KIF1C: variants seen among roughly 807,000 people sequenced by gnomAD.
KIF1C encodes kinesin-like protein KIF1C.
Under a neutral mutation model 126.5 loss-of-function variants are expected in KIF1C, and 61 were observed. The observed-to-expected ratio is 0.48, with a 90% CI of 0.39 to 0.60. KIF1C has a LOEUF of 0.60. KIF1C is among the 20% of genes least tolerant of loss of function. The pLI is 0.00. For synonymous variants in KIF1C, 640 were observed against 580.6 expected, an observed-to-expected ratio of 1.10 and a Z score of -1.47; for missense variants, 1,315 against 1,489.2, an observed-to-expected ratio of 0.88 and a Z score of 1.93.
chr17:5,002,851 G>GCCCCCCCCCCCCCCC lies in KIF1C; in HGVS notation c.720+20_720+21insCCCCCCCCCCCCCCC. The GCCCCCCCCCCCCCCC allele has an allele frequency of 1.4e-6, 2 of 1,421,842 alleles. No individual in the cohort carries two copies. The highest frequency in any genetic ancestry group is 2.4e-5 in the East Asian group (1 of 40,888). 88.1% of individuals were successfully genotyped at this position (1,421,842 alleles called of 1,614,324 possible). A position where few individuals can be genotyped will look rare whatever the true frequency, so the allele number is the denominator to read the frequency against. ...GGCTGGACTCGGAGAAGGTGGGATC[G>GCCCCCCCCCCCCCCC]CCCCCCCCCCCACTCCCCCACCGGA... On this transcript the variant is annotated intron_variant, in intron 8 of 22. Coordinates refer to ENST00000320785, the MANE Select transcript of KIF1C (RefSeq NM_006612.6).
intron 18 of KIF1C, 125 bp downstream of exon 18, chr17:5,014,962 C>T: frequency 1.3e-6 from 1 of 760,820 alleles, no homozygotes; most frequent in South Asian, 1.7e-5. Flanking sequence ...GGGATGTGGC[C>T]TTGTCCTCAG....
At position 5,010,875 on chromosome 17, in the gene KIF1C, A is replaced by G. The variant is rs186287290; in HGVS notation, c.1492-2778A>G. Among the ~76,000 whole-genome samples the G allele has an allele frequency of 1.8e-3, 267 of 150,132 alleles. 1 individual carries two copies. The highest frequency in any genetic ancestry group is 6.3e-3 in the African/African-American group (257 of 40,876). On this transcript the variant is annotated intron_variant, in intron 16 of 22. Transcript: ENST00000320785. The stretch of plus-strand genomic sequence containing the variant: ...GCCCAGGCTGGAGTGCAGTGGTGCA[A>G]TCTCGGCCCACTGCAAGCTCCGCCT...
At chr17:5,013,797 C>A in intron 17 of KIF1C, 65 bp downstream of exon 17, 1 of 1,275,594 alleles carries the variant, frequency 7.8e-7, no homozygotes, top group Non-Finnish European at 1.1e-6. Flanking sequence ...CAAGGGTTGT[C>A]CACATTGGTG....
intron 16 of KIF1C, 83 bp from the exon 17 acceptor site, chr17:5,013,570 G>A (rs1253617035): frequency 1.0e-6 from 1 of 962,872 alleles, no homozygotes; most frequent in Admixed American, 1.9e-5. Context: ...GACTGGAGGG[G>A]TGTCTCCTCC....
At chr17:4,999,266 A>C (rs111700619) in intron 1 of KIF1C, among the ~76,000 whole-genome samples, 5,393 of 152,144 alleles carry the variant, frequency 0.035, 306 homozygotes, top group African/African-American at 0.12. Flanking sequence ...TGGTGCATGG[A>C]GGTTGTGGGC....
intron 21 of KIF1C, among the ~76,000 whole-genome samples, chr17:5,021,870 G>T (rs911273793): frequency 4.6e-5 from 7 of 151,982 alleles, no homozygotes; most frequent in South Asian, 2.1e-4. Context: ...ATGGTTCTAA[G>T]TACTCCACGT....
At chr17:5,001,928 G>C (rs959847047) in intron 5 of KIF1C, 131 bp from the exon 6 acceptor site, 2 of 785,674 alleles carry the variant, frequency 2.5e-6, no homozygotes, top group African/African-American at 3.4e-5. Context: ...TGTGAAATGG[G>C]AATAACCCCT....
At chr17:5,018,646 C>T (rs1975028491) in intron 18 of KIF1C, among the ~76,000 whole-genome samples, 1 of 151,730 alleles carries the variant, frequency 6.6e-6, no homozygotes, top group African/African-American at 2.4e-5. Flanking sequence ...TGAGATCGCA[C>T]CATTGCACTC....
intron 18 of KIF1C, chr17:5,019,574 A>AG (rs1475784680): frequency 5.1e-6 from 1 of 197,280 alleles, no homozygotes; most frequent in East Asian, 1.5e-4. Flanking sequence ...CATGAGGCAG[A>AG]GGGGTGGGCT....
chr17:5,009,095 T>A (rs1043837990), intron 16 of KIF1C, among the ~76,000 whole-genome samples: 3 of 151,332 alleles, frequency 2.0e-5, no homozygotes, highest in Non-Finnish European at 4.4e-5. Flanking sequence ...GTCTCCAATT[T>A]ACAGCATTTT....
chr17:5,003,750 C>T lies in KIF1C; in HGVS notation c.798+61C>T, dbSNP rs1181998809. On this transcript the variant is annotated intron_variant, in intron 9 of 22. Coordinates refer to ENST00000320785, the MANE Select transcript of KIF1C (RefSeq NM_006612.6). ...AGTGTTGTGGGCTGTATGTGGAGGTCTCCAGTCGGAACCTGAGACTCTCAC... is the reference window on the plus strand; with the variant it reads ...AGTGTTGTGGGCTGTATGTGGAGGTTTCCAGTCGGAACCTGAGACTCTCAC... 2.2e-5 allele frequency: 35 copies of T among 1,562,552 alleles called. No individual in the cohort carries two copies. In the South Asian group the frequency reaches 3.0e-4, roughly 13 times the overall value.
chr17:5,000,958 T>C, intron 4 of KIF1C, 110 bp downstream of exon 4: 4 of 1,166,874 alleles, frequency 3.4e-6, no homozygotes, highest in Non-Finnish European at 5.1e-6. Flanking sequence ...TCAGGGTGAA[T>C]TGGGAGGATG....
rs1213682024 is a variant in KIF1C at position 5,026,378 on chromosome 17, A to G, written c.*2227A>G. Reference sequence around the variant, plus strand: ...CTGTGGGGTTTGAGATGAGAAAAATAGCTTGCTAATTTAAAAGACGGATTA... The same window carrying G: ...CTGTGGGGTTTGAGATGAGAAAAATGGCTTGCTAATTTAAAAGACGGATTA... On this transcript the variant is annotated 3_prime_UTR_variant, in exon 23 of 23. Transcript: ENST00000320785. 1 of 152,202 alleles carries G rather than the reference A, an allele frequency of 6.6e-6. No homozygotes were observed. The highest frequency in any genetic ancestry group is 1.5e-5 in the Non-Finnish European group (1 of 68,044). 9.4% of individuals were successfully genotyped at this position (152,202 alleles called of 1,614,324 possible).
chr17:5,000,850 T>C lies in KIF1C; in HGVS notation c.183+2T>C, dbSNP rs113012687. 6.2e-7 allele frequency: 1 copy of C among 1,613,084 alleles called. No individual in the cohort carries two copies. The highest frequency in any genetic ancestry group is 1.7e-5 in the Admixed American group (1 of 59,946). On this transcript the variant is annotated splice_donor_variant, in intron 4 of 22. Coordinates refer to ENST00000320785, the MANE Select transcript of KIF1C (RefSeq NM_006612.6). LOFTEE classifies it high-confidence loss of function. ...TACTCCTACTGGTCACACACTTCGG[T>C]GGGTTGTTGGGCTGGGGGAAGAGCA...
chr17:5,004,752 C>T, intron 12 of KIF1C, 103 bp from the exon 13 acceptor site: 3 of 1,592,294 alleles, frequency 1.9e-6, no homozygotes, highest in South Asian at 2.2e-5. Context: ...GATGCCGGAG[C>T]CTTGCCACAA....
intron 13 of KIF1C, among the ~76,000 whole-genome samples, chr17:5,006,309 A>G (rs1461192778): frequency 6.6e-6 from 1 of 151,408 alleles, no homozygotes; most frequent in African/African-American, 2.4e-5. Context: ...TGCTGGGATT[A>G]TAGGTATGAG....
At chr17:5,001,819 G>T (rs1431895162) in intron 5 of KIF1C, among the ~76,000 whole-genome samples, 3 of 152,238 alleles carry the variant, frequency 2.0e-5, no homozygotes, top group Admixed American at 2.0e-4. Flanking sequence ...TGGCACACGG[G>T]CTTGGGAGTC....
In KIF1C at chr17:5,020,084, A is replaced by C. The variant is rs776089509; in HGVS notation, c.1750+5A>C. ...AGCCGCTGGTGCTGAAGTCAGGTAG[A>C]AGATGTGTCGCAGATTGAGGGTTCT... is the stretch of plus-strand genomic sequence containing the variant. On this transcript the variant is annotated splice_donor_5th_base_variant and intron_variant, in intron 19 of 22. Transcript: ENST00000320785. The surrounding 1 kb of genome is among the most constrained non-coding windows in gnomAD (Gnocchi z 5.8). The C allele has an allele frequency of 8.2e-6, 13 of 1,580,048 alleles. No individual in the cohort carries two copies. The highest frequency in any genetic ancestry group is 1.1e-5 in the Non-Finnish European group (13 of 1,162,784).
chr17:5,000,691 C>G (rs909530185), intron 3 of KIF1C, 81 bp from the exon 4 acceptor site: 66 of 1,271,294 alleles, frequency 5.2e-5, no homozygotes, highest in Non-Finnish European at 7.1e-5. Context: ...TGCTTGGATT[C>G]CAGGGGCTGG....
Sources: gnomAD v4.1 joint callset for allele counts (sites outside exome capture counted in the v4.1 genomes callset) on GRCh38, gnomAD v4.1.1 for gene constraint, Gnocchi (gnomAD v3.1) non-coding constraint, MANE v1.5 for transcripts, NCBI Gene and HGNC (gene_info 2026-07-23, HGNC 2026-07-21) for gene names.